The following HSF2BP variants were observed in gnomAD, a reference collection of about 807,000 sequenced individuals.
HSF2BP encodes heat shock factor 2-binding protein.
A neutral mutation model predicts 35.0 loss-of-function variants in HSF2BP; 35 were observed. The ratio of observed to expected loss-of-function variants is 1.00; its 90% CI spans 0.76 to 1.32. HSF2BP has a LOEUF of 1.32. Ranked by LOEUF, HSF2BP falls within the 40% of genes most tolerant of loss-of-function variation. The probability of loss-of-function intolerance (pLI) is 0.00; values close to 1 mark genes in which losing one functional copy is unlikely to be tolerated. For missense variants in HSF2BP, 326 were observed against 321.7 expected, an observed-to-expected ratio of 1.01 and a Z score of -0.10; for synonymous variants, 114 against 117.4, an observed-to-expected ratio of 0.97 and a Z score of 0.18.
At position 43,650,448 on chromosome 21, in the gene HSF2BP, G is replaced by A. The variant is rs531399745; in HGVS notation, c.188-6056C>T. Among the ~76,000 whole-genome samples the A allele has an allele frequency of 2.3e-4, 35 of 151,910 alleles. No individual in the cohort carries two copies. The East Asian group carries it at 4.9e-3, about 21-fold the overall frequency. ...TCTCGATCTCCTGACCTCGTGATCC[G>A]CCCACTTCGGCCTCCCAAAGTGCTG... On this transcript the variant is annotated intron_variant, in intron 3 of 8. Coordinates refer to ENST00000291560, the MANE Select transcript of HSF2BP (RefSeq NM_007031.2).
intron 3 of HSF2BP, among the ~76,000 whole-genome samples, chr21:43,646,833 G>C (rs768812128): frequency 6.6e-6 from 1 of 152,168 alleles, no homozygotes; most frequent in East Asian, 1.9e-4. Flanking sequence ...GTATGAGGCC[G>C]CCACCTTGTG....
At chr21:43,578,572 T>A (rs2081676519) in intron 8 of HSF2BP, among the ~76,000 whole-genome samples, 1 of 152,162 alleles carries the variant, frequency 6.6e-6, no homozygotes. Flanking sequence ...CATAGGTCCT[T>A]CTCCATGCTG....
chr21:43,636,007 C>A (rs1289389703), intron 4 of HSF2BP, among the ~76,000 whole-genome samples: 1 of 144,926 alleles, frequency 6.9e-6, no homozygotes, highest in Non-Finnish European at 1.5e-5. Context: ...ACGGGAGGAT[C>A]GAGACCATCC....
At chr21:43,648,849 A>C (rs556906510) in intron 3 of HSF2BP, among the ~76,000 whole-genome samples, 6 of 152,382 alleles carry the variant, frequency 3.9e-5, no homozygotes, top group African/African-American at 1.4e-4. Flanking sequence ...TACTGCTAAG[A>C]ATCTAAGAGT....
At chr21:43,652,035 A>G (rs1390857244) in intron 3 of HSF2BP, among the ~76,000 whole-genome samples, 2 of 152,148 alleles carry the variant, frequency 1.3e-5, no homozygotes, top group Non-Finnish European at 1.5e-5. Flanking sequence ...TCCACACTCT[A>G]AAAGAAACTT....
the HSF2BP span, among the ~76,000 whole-genome samples, chr21:43,459,839 C>T: frequency 1.4e-4 from 1 of 7,314 alleles, no homozygotes; most frequent in African/African-American, 5.8e-4. Flanking sequence ...GTCAAGCCTA[C>T]TGACTCAGTC....
intron 6 of HSF2BP, among the ~76,000 whole-genome samples, chr21:43,615,006 C>T (rs1175155717): frequency 6.6e-6 from 1 of 152,204 alleles, no homozygotes; most frequent in African/African-American, 2.4e-5. Context: ...GGCCTGAAGA[C>T]CAGACCGAGT....
intron 6 of HSF2BP, among the ~76,000 whole-genome samples, chr21:43,622,201 C>A (rs1432682960): frequency 6.6e-6 from 1 of 151,872 alleles, no homozygotes; most frequent in Non-Finnish European, 1.5e-5. Flanking sequence ...AAGCAATGAA[C>A]TAAAACACAC....
intron 3 of HSF2BP, among the ~76,000 whole-genome samples, chr21:43,644,786 G>C (rs2082686921): frequency 6.6e-6 from 1 of 152,216 alleles, no homozygotes; most frequent in African/African-American, 2.4e-5. Context: ...GGAGTGCACG[G>C]CGCCAGCACA....
chr21:43,644,878 A>G (rs1030297185), intron 3 of HSF2BP, among the ~76,000 whole-genome samples: 4 of 152,204 alleles, frequency 2.6e-5, no homozygotes, highest in Admixed American at 6.5e-5. Flanking sequence ...GGAGGAGGGA[A>G]AGAACAGTGA....
chr21:43,658,632 C>A (rs1601744892), intron 1 of HSF2BP, among the ~76,000 whole-genome samples: 1 of 152,214 alleles, frequency 6.6e-6, no homozygotes, highest in East Asian at 1.9e-4. Flanking sequence ...CCGCTGAGTC[C>A]GCAAAATATA....
the HSF2BP span, among the ~76,000 whole-genome samples, chr21:43,499,796 C>T: frequency 1.6e-5 from 2 of 128,114 alleles, no homozygotes; most frequent in African/African-American, 2.6e-5. Flanking sequence ...ATACCACACA[C>T]GCTCACACCA....
intron 8 of HSF2BP, among the ~76,000 whole-genome samples, chr21:43,576,998 C>T (rs971204781): frequency 6.6e-6 from 1 of 152,146 alleles, no homozygotes; most frequent in African/African-American, 2.4e-5. Flanking sequence ...TGTAGGTCAA[C>T]GAATTTAATT....
intron 4 of HSF2BP, 71 bp downstream of exon 4, chr21:43,644,218 T>C (rs2082678055): frequency 1.8e-6 from 2 of 1,100,522 alleles, no homozygotes; most frequent in East Asian, 2.4e-5. Flanking sequence ...TCCCACTGCT[T>C]ATCATAAGTG....
intron 4 of HSF2BP, 120 bp from the exon 5 acceptor site, chr21:43,633,541 G>A: frequency 1.1e-6 from 1 of 952,126 alleles, no homozygotes; most frequent in South Asian, 2.0e-5. Flanking sequence ...ATAGAAAATA[G>A]TTGCAAATGA....
intron 7 of HSF2BP, among the ~76,000 whole-genome samples, chr21:43,600,865 A>T (rs1053799254): frequency 4.6e-5 from 7 of 152,202 alleles, no homozygotes; most frequent in African/African-American, 1.7e-4. Flanking sequence ...CTAGCCACGC[A>T]TTGCTAATAC....
Position 43,592,308 on chromosome 21 carries a change from T to TGA in HSF2BP, c.712_713insTC (p.Tyr238PhefsTer4). Reference sequence around the variant, plus strand: ...GCCTTTCAAATTGATGCTTACATTGTATAGGGACATCAGCATTAGCCTGAA... The same window carrying TGA: ...GCCTTTCAAATTGATGCTTACATTGTGAATAGGGACATCAGCATTAGCCTGAA... On this transcript the variant is annotated frameshift_variant, in exon 8 of 9. Coordinates refer to ENST00000291560, the MANE Select transcript of HSF2BP (RefSeq NM_007031.2). LOFTEE classifies it high-confidence loss of function. 1 of 1,612,410 alleles carries TGA rather than the reference T, an allele frequency of 6.2e-7. No individual in the cohort carries two copies. The highest frequency in any genetic ancestry group is 8.5e-7 in the Non-Finnish European group (1 of 1,178,434).
intron 3 of HSF2BP, among the ~76,000 whole-genome samples, chr21:43,655,072 G>A (rs2082848125): frequency 6.6e-6 from 1 of 152,124 alleles, no homozygotes; most frequent in Non-Finnish European, 1.5e-5. Flanking sequence ...TTTTGGCAGC[G>A]GGACTGATCA....
chr21:43,639,963 A>G (rs181421889), intron 4 of HSF2BP, among the ~76,000 whole-genome samples: 1 of 152,366 alleles, frequency 6.6e-6, no homozygotes, highest in East Asian at 1.9e-4. Flanking sequence ...ATATGAGGCA[A>G]TAAAAATATC....
Sources: allele counts gnomAD v4.1 joint callset (sites outside exome capture counted in the v4.1 genomes callset), GRCh38; gene constraint gnomAD v4.1.1; transcripts MANE v1.5; gene names NCBI Gene and HGNC (gene_info 2026-07-23, HGNC 2026-07-21).